The following DACH1 variants were observed in gnomAD, a reference collection of about 807,000 sequenced individuals.
The protein encoded by DACH1 is dachshund homolog 1.
Under a neutral mutation model 54.2 loss-of-function variants are expected in DACH1, and 12 were observed. The ratio of observed to expected loss-of-function variants is 0.22; its 90% confidence interval spans 0.14 to 0.36. The LOEUF (loss-of-function observed/expected upper bound fraction) is 0.36, where lower values mean the gene tolerates loss of function less well. Ranked by LOEUF, DACH1 falls within the 10% of genes least tolerant of loss-of-function variation. The pLI, the probability that DACH1 is intolerant of heterozygous loss-of-function variation, is 1.00. For missense variants in DACH1, 805 were observed against 929.8 expected, an observed-to-expected ratio of 0.87 and a Z score of 1.75; for synonymous variants, 386 against 366.2, an observed-to-expected ratio of 1.05 and a Z score of -0.62.
intron 3 of DACH1, among the ~76,000 whole-genome samples, chr13:71,596,483 T>A (rs1440154652): frequency 1.3e-5 from 2 of 152,202 alleles, no homozygotes; most frequent in Non-Finnish European, 2.9e-5. Context: ...TATTTATGGT[T>A]TAATACATTG....
At chr13:71,621,429 G>C (rs916127873) in intron 3 of DACH1, among the ~76,000 whole-genome samples, 1 of 152,034 alleles carries the variant, frequency 6.6e-6, no homozygotes, top group Non-Finnish European at 1.5e-5. Flanking sequence ...CTGGTACAGC[G>C]TGTGACTGAG....
chr13:71,666,951 G>C (rs1879880771), intron 2 of DACH1, among the ~76,000 whole-genome samples: 1 of 151,744 alleles, frequency 6.6e-6, no homozygotes, highest in African/African-American at 2.4e-5. Flanking sequence ...ACTCCATCTT[G>C]GGCAACAAGA....
intron 6 of DACH1, among the ~76,000 whole-genome samples, chr13:71,533,386 A>G (rs890305546): frequency 2.0e-5 from 3 of 151,960 alleles, no homozygotes; most frequent in African/African-American, 7.2e-5. Flanking sequence ...CGTGACAGTG[A>G]AATTTATATC....
At chr13:71,787,347 C>T (rs1382645645) in intron 1 of DACH1, among the ~76,000 whole-genome samples, 1 of 152,170 alleles carries the variant, frequency 6.6e-6, no homozygotes, top group Non-Finnish European at 1.5e-5. Flanking sequence ...AGACAAGCCA[C>T]AAGTGACTTA....
chr13:71,516,960 G>C (rs2138270884), intron 6 of DACH1, among the ~76,000 whole-genome samples: 1 of 151,066 alleles, frequency 6.6e-6, no homozygotes, highest in South Asian at 2.1e-4. Flanking sequence ...TGAGACTTAA[G>C]AGCCATTATA....
intron 3 of DACH1, among the ~76,000 whole-genome samples, chr13:71,591,077 C>G (rs938577246): frequency 6.6e-6 from 1 of 151,826 alleles, no homozygotes; most frequent in Admixed American, 6.6e-5. Flanking sequence ...TGATGTTTCT[C>G]CATGTTGGCC....
intron 3 of DACH1, among the ~76,000 whole-genome samples, chr13:71,598,363 C>G (rs1340021854): frequency 6.6e-6 from 1 of 152,062 alleles, no homozygotes; most frequent in Non-Finnish European, 1.5e-5. Flanking sequence ...CACACGATTC[C>G]TCTGCCTCAG....
chr13:71,541,970 G>C (rs559757531), intron 6 of DACH1, among the ~76,000 whole-genome samples: 1 of 140,938 alleles, frequency 7.1e-6, no homozygotes, highest in African/African-American at 2.6e-5. Context: ...ATTTCAGGCC[G>C]GGTACGATGG....
chr13:71,732,372 C>A (rs1272485624), intron 1 of DACH1, among the ~76,000 whole-genome samples: 1 of 151,862 alleles, frequency 6.6e-6, no homozygotes, highest in African/African-American at 2.4e-5. Context: ...ATCTCCTGAG[C>A]TCAGGAGTTC....
intron 6 of DACH1, among the ~76,000 whole-genome samples, chr13:71,506,286 CT>C (rs1419291852): frequency 1.1e-4 from 13 of 117,298 alleles, no homozygotes; most frequent in Non-Finnish European, 2.2e-4. Flanking sequence ...TCCCTCCCCC[CT>C]CCCCCCGCCC....
chr13:71,605,961 A>G (rs1282207966), intron 3 of DACH1, among the ~76,000 whole-genome samples: 1 of 152,052 alleles, frequency 6.6e-6, no homozygotes, highest in Non-Finnish European at 1.5e-5. Flanking sequence ...CTTTGCAGCT[A>G]TCATGTGTTG....
In DACH1 at chr13:71,481,437, G is replaced by A. The variant is rs9542709; in HGVS notation, c.1723-2121C>T. Among the ~76,000 whole-genome samples the A allele has an allele frequency of 9.3e-3, 1,414 of 152,116 alleles. 15 individuals are homozygous for A. The highest frequency in any genetic ancestry group is 0.022 in the South Asian group (104 of 4,826). ...TTTGTGTAATTTTATATTAATATTC[G>A]TTGTAAAGAATGAAGTTGCTGAGAG... On this transcript the variant is annotated intron_variant, in intron 7 of 10. Transcript: ENST00000613252.
intron 6 of DACH1, among the ~76,000 whole-genome samples, chr13:71,533,728 T>C (rs1218184765): frequency 6.6e-6 from 1 of 151,608 alleles, no homozygotes; most frequent in Non-Finnish European, 1.5e-5. Flanking sequence ...TATCTCTCTG[T>C]CTCATTCTCT....
chr13:71,593,538 C>T (rs1403965008), intron 3 of DACH1, among the ~76,000 whole-genome samples: 3 of 152,006 alleles, frequency 2.0e-5, no homozygotes, highest in African/African-American at 7.2e-5. Context: ...AATTTCATTT[C>T]TAGTTTCCCA....
At chr13:71,838,655 TTG>T (rs1888893515) in intron 1 of DACH1, among the ~76,000 whole-genome samples, 1 of 152,150 alleles carries the variant, frequency 6.6e-6, no homozygotes, top group African/African-American at 2.4e-5. Context: ...CAATTTTAGT[TTG>T]TTAGTTGAGA....
intron 1 of DACH1, among the ~76,000 whole-genome samples, chr13:71,690,052 T>C (rs553390582): frequency 3.3e-4 from 51 of 152,252 alleles, no homozygotes; most frequent in African/African-American, 1.2e-3. Flanking sequence ...ATCAGGGAGA[T>C]GGATATATTC....
intron 1 of DACH1, among the ~76,000 whole-genome samples, chr13:71,819,368 G>A (rs934318733): frequency 2.0e-5 from 3 of 152,240 alleles, no homozygotes; most frequent in African/African-American, 7.2e-5. Context: ...GGCTCCCAGA[G>A]AGCAAAGCCG....
intron 3 of DACH1, among the ~76,000 whole-genome samples, chr13:71,578,230 T>C (rs1000690493): frequency 2.0e-5 from 3 of 152,130 alleles, no homozygotes; most frequent in East Asian, 1.9e-4. Context: ...GTGACACTGA[T>C]AGATTGTGAC....
At chr13:71,817,313 A>G (rs1156538792) in intron 1 of DACH1, among the ~76,000 whole-genome samples, 1 of 152,160 alleles carries the variant, frequency 6.6e-6, no homozygotes, top group African/African-American at 2.4e-5. Flanking sequence ...CCAGGACTGT[A>G]AGTTGTGTAG....
Sources: allele counts gnomAD v4.1 joint callset (sites outside exome capture counted in the v4.1 genomes callset), GRCh38; gene constraint gnomAD v4.1.1; transcripts MANE v1.5; gene names NCBI Gene and HGNC (gene_info 2026-07-23, HGNC 2026-07-21).